Variants in GAS7 observed in about 807,000 individuals in gnomAD.
GAS7 encodes the protein growth arrest-specific protein 7.
Under a neutral mutation model 71.1 loss-of-function variants are expected in GAS7, and 28 were observed. The ratio of observed to expected loss-of-function variants is 0.39; its 90% CI spans 0.29 to 0.54. GAS7 has a LOEUF of 0.54. Ranked by LOEUF, GAS7 falls within the 20% of genes least tolerant of loss-of-function variation. The probability of loss-of-function intolerance (pLI) is 0.62; values close to 1 mark genes in which losing one functional copy is unlikely to be tolerated. For missense variants in GAS7, 436 were observed against 627.8 expected (o/e 0.69, Z 3.27); for synonymous variants, 258 against 245.8 (o/e 1.05, Z -0.46).
Position 9,925,578 on chromosome 17 carries a change from G to A in GAS7, c.1036C>T (p.Arg346Trp). Residue 346 changes from arginine to tryptophan, a missense_variant, in exon 11 of 14, where the codon CGG becomes TGG. Physicochemically the swap from Arg to Trp is moderately radical, Grantham distance 101. Transcript: ENST00000432992. ...GTCTTCATCTCCAGGTCTCTCTGCCGCTCTGTGAGGGCTTTCCGGGCCTGG... is the reference window on the plus strand; with the variant it reads ...GTCTTCATCTCCAGGTCTCTCTGCCACTCTGTGAGGGCTTTCCGGGCCTGG... ...VEKARKALTE[R>W]QRDLEMKTQQ... 2.5e-6 allele frequency: 4 copies of A among 1,614,084 alleles called. No homozygotes were observed. The highest frequency in any genetic ancestry group is 3.4e-6 in the Non-Finnish European group (4 of 1,179,970).
At chr17:10,005,243 A>C (rs566325494) in intron 2 of GAS7, among the ~76,000 whole-genome samples, 2 of 104,930 alleles carry the variant, frequency 1.9e-5, no homozygotes, top group South Asian at 5.9e-4. Flanking sequence ...ATGTGCGCGC[A>C]TGCATGTGTG....
At chr17:10,044,092 T>C (rs540001005) in intron 1 of GAS7, among the ~76,000 whole-genome samples, 3 of 152,352 alleles carry the variant, frequency 2.0e-5, no homozygotes, top group South Asian at 2.1e-4. Context: ...TGACAAGCAA[T>C]TGAACTTTTT....
intron 1 of GAS7, among the ~76,000 whole-genome samples, chr17:10,042,165 C>T (rs1413572491): frequency 4.0e-5 from 6 of 151,866 alleles, no homozygotes; most frequent in South Asian, 4.2e-4. Context: ...CGTGGTGGCA[C>T]GTGCCTGTAG....
intron 1 of GAS7, among the ~76,000 whole-genome samples, chr17:10,140,119 T>TAGG (rs1284866740): frequency 6.6e-6 from 1 of 152,166 alleles, no homozygotes. Flanking sequence ...AGAGACTACT[T>TAGG]AGCCAGCCCC....
chr17:9,965,938 G>A lies in GAS7; in HGVS notation c.471+3739C>T, dbSNP rs991346593. On this transcript the variant is annotated intron_variant, in intron 4 of 13. Transcript: ENST00000432992. Reference sequence around the variant, plus strand: ...CCATGACATAGTATGGTGGGGACACGTTACTGGTGTCCGTGGAAAGTCCCT... The same window carrying A: ...CCATGACATAGTATGGTGGGGACACATTACTGGTGTCCGTGGAAAGTCCCT... Among the ~76,000 whole-genome samples the A allele has an allele frequency of 3.3e-5, 5 of 151,592 alleles. No individual in the cohort carries two copies. The South Asian group carries it at 6.2e-4, about 19-fold the overall frequency.
chr17:10,051,450 G>A (rs1356119507), intron 1 of GAS7, among the ~76,000 whole-genome samples: 2 of 152,234 alleles, frequency 1.3e-5, no homozygotes, highest in Non-Finnish European at 2.9e-5. Flanking sequence ...CAATGGCTTT[G>A]CGGGCCTAGA....
chr17:9,980,598 G>A (rs7214730), intron 3 of GAS7, among the ~76,000 whole-genome samples: 10,124 of 152,184 alleles, frequency 0.067, 1,084 homozygotes, highest in African/African-American at 0.23. Context: ...TCCTGAAGTC[G>A]AAAACCAACA....
chr17:10,125,733 A>C (rs1466483442), intron 1 of GAS7, among the ~76,000 whole-genome samples: 3 of 151,920 alleles, frequency 2.0e-5, no homozygotes, highest in Non-Finnish European at 4.4e-5. Flanking sequence ...GCCACTGGCC[A>C]CTGGGGGAAT....
chr17:9,921,616 T>C (rs534514315), intron 11 of GAS7, among the ~76,000 whole-genome samples: 5 of 152,178 alleles, frequency 3.3e-5, no homozygotes, highest in African/African-American at 1.2e-4. Flanking sequence ...GAGCTTGAAA[T>C]TGGAACTTTT....
intron 1 of GAS7, among the ~76,000 whole-genome samples, chr17:10,086,308 A>G (rs557325195): frequency 6.6e-6 from 1 of 152,318 alleles, no homozygotes; most frequent in Non-Finnish European, 1.5e-5. Context: ...AGTCCCGTCC[A>G]CAGTCATTAG....
intron 9 of GAS7, among the ~76,000 whole-genome samples, chr17:9,928,107 T>TTTTA (rs1555590423): frequency 1.4e-5 from 2 of 148,056 alleles, no homozygotes; most frequent in Admixed American, 6.6e-5. Context: ...TTTATTTATT[T>TTTTA]TTTATTTATT....
intron 1 of GAS7, among the ~76,000 whole-genome samples, chr17:10,091,071 G>T (rs2073577132): frequency 6.6e-6 from 1 of 151,980 alleles, no homozygotes; most frequent in South Asian, 2.1e-4. Context: ...CACAGCCCAG[G>T]GCTCCTGCTC....
intron 2 of GAS7, among the ~76,000 whole-genome samples, chr17:10,016,619 A>AC (rs1201407448): frequency 6.8e-6 from 1 of 147,442 alleles, no homozygotes; most frequent in Non-Finnish European, 1.5e-5. Flanking sequence ...AAAAAAAAAA[A>AC]AAAAACAAAA....
chr17:10,174,885 A>T (rs1394948216), intron 1 of GAS7, among the ~76,000 whole-genome samples: 1 of 151,912 alleles, frequency 6.6e-6, no homozygotes, highest in Non-Finnish European at 1.5e-5. Flanking sequence ...TCACTCTGTC[A>T]CCCAGGCTGG....
At chr17:10,158,802 C>A (rs2074226127) in intron 1 of GAS7, among the ~76,000 whole-genome samples, 1 of 151,792 alleles carries the variant, frequency 6.6e-6, no homozygotes, top group Non-Finnish European at 1.5e-5. Context: ...CACCTGTAAT[C>A]TCAGCACCTT....
chr17:10,119,422 G>A (rs1033323738), intron 1 of GAS7, among the ~76,000 whole-genome samples: 25 of 152,222 alleles, frequency 1.6e-4, no homozygotes, highest in Non-Finnish European at 2.2e-4. Context: ...AGGAGACAGA[G>A]GTTAAGACAA....
intron 1 of GAS7, among the ~76,000 whole-genome samples, chr17:10,084,777 T>C (rs139342386): frequency 3.1e-4 from 47 of 152,292 alleles, no homozygotes; most frequent in African/African-American, 1.1e-3. Flanking sequence ...CCTTTCCCTA[T>C]ATCTTAATAG....
rs1053039605 is a variant in GAS7, at chr17:9,914,953, G to T, written c.*2275C>A. The stretch of plus-strand genomic sequence containing the variant: ...ACCGGTAAGACCCCTGAAAACGAGC[G>T]ATCACGGGCTTCCCTGACGACAGGG... On this transcript the variant is annotated 3_prime_UTR_variant, in exon 14 of 14. Transcript: ENST00000432992. The T allele has an allele frequency of 8.6e-6, 2 of 232,390 alleles. No individual in the cohort carries two copies. The highest frequency in any genetic ancestry group is 6.1e-5 in the East Asian group (1 of 16,506). The allele number at this position is 232,390 out of a possible 1,614,324, so 14.4% of individuals were successfully genotyped here. A position where few individuals can be genotyped will look rare whatever the true frequency, so the allele number is the denominator to read the frequency against.
At chr17:10,063,125 G>A (rs934568754) in intron 1 of GAS7, among the ~76,000 whole-genome samples, 1 of 152,256 alleles carries the variant, frequency 6.6e-6, no homozygotes, top group Non-Finnish European at 1.5e-5. Context: ...GTGGCTCTGT[G>A]GTGGTTTCAT....
Sources: allele counts gnomAD v4.1 joint callset (sites outside exome capture counted in the v4.1 genomes callset), GRCh38; gene constraint gnomAD v4.1.1; transcripts MANE v1.5; gene names NCBI Gene and HGNC (gene_info 2026-07-23, HGNC 2026-07-21).